KCNH7: variants seen among roughly 807,000 people sequenced by gnomAD.
The protein encoded by KCNH7 is voltage-gated inwardly rectifying potassium channel KCNH7.
A neutral mutation model predicts 120.8 loss-of-function variants in KCNH7; 49 were observed. The ratio of observed to expected loss-of-function variants is 0.41; its 90% confidence interval spans 0.32 to 0.51. The LOEUF is 0.51. Among genes scored for constraint, KCNH7 ranks in the 20% least tolerant of loss-of-function variants. KCNH7 has a pLI of 0.38. For synonymous variants in KCNH7, 547 were observed against 516.1 expected (o/e 1.06, Z -0.81); for missense variants, 1,097 against 1,446.6 (o/e 0.76, Z 3.92).
chr2:162,728,634 C>T (rs569669471), intron 2 of KCNH7, among the ~76,000 whole-genome samples: 11 of 152,138 alleles, frequency 7.2e-5, no homozygotes, highest in African/African-American at 1.7e-4. Flanking sequence ...CAAAATTAGC[C>T]GGGCTTGGAG....
At chr2:162,592,371 C>T (rs1351799911) in intron 2 of KCNH7, among the ~76,000 whole-genome samples, 1 of 151,980 alleles carries the variant, frequency 6.6e-6, no homozygotes, top group Non-Finnish European at 1.5e-5. Context: ...ACTGAAGGGT[C>T]CAGCCTAGTA....
At chr2:162,515,638 T>C (rs1691258954) in intron 4 of KCNH7, among the ~76,000 whole-genome samples, 1 of 151,790 alleles carries the variant, frequency 6.6e-6, no homozygotes, top group Non-Finnish European at 1.5e-5. Context: ...CCATATTGAA[T>C]TTATTGTTGC....
intron 2 of KCNH7, among the ~76,000 whole-genome samples, chr2:162,545,495 T>C (rs1692448746): frequency 1.3e-5 from 2 of 152,228 alleles, no homozygotes; most frequent in South Asian, 2.1e-4. Flanking sequence ...AACAAAGTGC[T>C]GGGCCATGAG....
At chr2:162,494,688 C>T (rs557261232) in intron 6 of KCNH7, among the ~76,000 whole-genome samples, 9 of 152,084 alleles carry the variant, frequency 5.9e-5, no homozygotes, top group Non-Finnish European at 1.3e-4. Context: ...CATTCACAGA[C>T]AATTGTTGTC....
chr2:162,423,244 G>A, intron 9 of KCNH7, 92 bp downstream of exon 9: 1 of 1,602,586 alleles, frequency 6.2e-7, no homozygotes, highest in South Asian at 1.1e-5. Context: ...CAAAAGCAAG[G>A]GGTTCAAAGC....
intron 14 of KCNH7, among the ~76,000 whole-genome samples, chr2:162,374,972 A>G (rs916270955): frequency 5.3e-4 from 81 of 152,274 alleles, no homozygotes; most frequent in African/African-American, 1.9e-3. Flanking sequence ...TCTAATTTTT[A>G]TGCTTCCAAC....
chr2:162,515,375 G>T (rs747582067), intron 4 of KCNH7, among the ~76,000 whole-genome samples: 1 of 151,696 alleles, frequency 6.6e-6, no homozygotes, highest in Non-Finnish European at 1.5e-5. Flanking sequence ...TAAAAACAAT[G>T]AAGTTAAATC....
chr2:162,741,833 C>T (rs939018223), intron 2 of KCNH7, among the ~76,000 whole-genome samples: 1 of 152,106 alleles, frequency 6.6e-6, no homozygotes, highest in African/African-American at 2.4e-5. Flanking sequence ...ACATAAGATA[C>T]TGAAACTTTT....
Position 162,379,924 on chromosome 2 carries a change from A to G in KCNH7, c.3060T>C (p.Ser1020=). ...CGTAGGTGAGGTCGCTTTCGGTTTC[A>G]GAGATACCCCAGGCAGCTCGCTGAA... ...SALQRAAWGI[S]ETESDLTYGE... The change falls in exon 14 of 16, where the codon TCT becomes TCC. Residue 1020 remains serine (S), a synonymous_variant. Transcript: ENST00000332142. 6.2e-7 allele frequency: 1 copy of G among 1,614,042 alleles called. No homozygotes were observed. The highest frequency in any genetic ancestry group is 8.5e-7 in the Non-Finnish European group (1 of 1,179,964).
intron 12 of KCNH7, among the ~76,000 whole-genome samples, chr2:162,389,476 A>T (rs1219596168): frequency 2.0e-5 from 3 of 152,020 alleles, no homozygotes; most frequent in Admixed American, 6.6e-5. Flanking sequence ...AAAAGGAAGC[A>T]GGAAAAGGTA....
chr2:162,762,269 A>T (rs1688993699), intron 2 of KCNH7, among the ~76,000 whole-genome samples: 1 of 151,794 alleles, frequency 6.6e-6, no homozygotes, highest in Non-Finnish European at 1.5e-5. Context: ...TAACATATAT[A>T]TGTATATATA....
intron 2 of KCNH7, among the ~76,000 whole-genome samples, chr2:162,745,547 C>A (rs1370411286): frequency 2.0e-5 from 3 of 151,948 alleles, no homozygotes; most frequent in Non-Finnish European, 4.4e-5. Context: ...TTCCTTTAAA[C>A]AAGAAATAGT....
chr2:162,833,599 A>T (rs973800844), intron 2 of KCNH7, among the ~76,000 whole-genome samples: 4 of 152,134 alleles, frequency 2.6e-5, no homozygotes, highest in Non-Finnish European at 5.9e-5. Flanking sequence ...AAATATTCCT[A>T]CTGCAAATAA....
chr2:162,402,384 ACTTT>A (rs1687091480), intron 9 of KCNH7, among the ~76,000 whole-genome samples: 1 of 146,982 alleles, frequency 6.8e-6, no homozygotes, highest in Non-Finnish European at 1.5e-5. Flanking sequence ...AATGCTGGCC[ACTTT>A]GCTTGGGGGC....
At chr2:162,569,303 T>C (rs1204756593) in intron 2 of KCNH7, among the ~76,000 whole-genome samples, 1 of 151,998 alleles carries the variant, frequency 6.6e-6, no homozygotes, top group Non-Finnish European at 1.5e-5. Flanking sequence ...CTAGATTTTC[T>C]AGTTTATTTG....
At chr2:162,381,421 T>A (rs560756930) in intron 13 of KCNH7, among the ~76,000 whole-genome samples, 2 of 152,202 alleles carry the variant, frequency 1.3e-5, no homozygotes, top group East Asian at 3.9e-4. Context: ...AAGGGTAGTT[T>A]AAATGCATCC....
At chr2:162,721,634 C>G (rs975185098) in intron 2 of KCNH7, among the ~76,000 whole-genome samples, 1 of 152,082 alleles carries the variant, frequency 6.6e-6, no homozygotes, top group Non-Finnish European at 1.5e-5. Flanking sequence ...TTCTTTCTTA[C>G]TGGCCAAATA....
chr2:162,437,231 A>G (rs1446385809), intron 7 of KCNH7, among the ~76,000 whole-genome samples: 1 of 152,156 alleles, frequency 6.6e-6, no homozygotes. Context: ...CTCTGTTAGT[A>G]TTGGAACCCT....
Position 162,517,888 on chromosome 2 carries a change from T to C in KCNH7, c.734A>G (p.Asp245Gly). The change falls in exon 4 of 16, where the codon GAC (aspartate) becomes GGC (glycine). Residue 245 changes from aspartate to glycine, a missense_variant. Physicochemically the swap from Asp to Gly is moderately conservative, Grantham distance 94. This residue lies in a region of KCNH7 where 362 missense variants were observed against 372.2 expected (regional missense o/e 0.97). Coordinates refer to ENST00000332142, the MANE Select transcript of KCNH7 (RefSeq NM_033272.4). ...LDHSSPKRQW[D>G]RLYPDMLQSS... Reference sequence around the variant, plus strand: ...CTGCAGCATGTCAGGGTAGAGTCGGTCCCATTGCCTTTTGGGAGAGGAATG... The same window carrying C: ...CTGCAGCATGTCAGGGTAGAGTCGGCCCCATTGCCTTTTGGGAGAGGAATG... The C allele has an allele frequency of 6.2e-7, 1 of 1,612,416 alleles. No individual in the cohort carries two copies. The highest frequency in any genetic ancestry group is 8.5e-7 in the Non-Finnish European group (1 of 1,178,932).
Sources: allele counts gnomAD v4.1 joint callset (sites outside exome capture counted in the v4.1 genomes callset), GRCh38; gene constraint gnomAD v4.1.1; regional missense constraint gnomAD v4.1.1; transcripts MANE v1.5; gene names NCBI Gene and HGNC (gene_info 2026-07-23, HGNC 2026-07-21).